The following ZNF536 variants were observed in gnomAD, a reference collection of about 807,000 sequenced individuals.
ZNF536 encodes the protein zinc finger protein 536.
In ZNF536, 13 loss-of-function variants were observed where a neutral mutation model predicts 84.5. The ratio of observed to expected loss-of-function variants is 0.15; its 90% CI spans 0.10 to 0.24. The LOEUF is 0.24. Among genes scored for constraint, ZNF536 ranks in the 10% least tolerant of loss-of-function variants. The probability of loss-of-function intolerance (pLI) is 1.00; values close to 1 mark genes in which losing one functional copy is unlikely to be tolerated. For missense variants in ZNF536, 1,536 were observed against 1,747.5 expected (o/e 0.88, Z 2.16); for synonymous variants, 811 against 742.5 (o/e 1.09, Z -1.50).
chr19:30,444,553 G>A lies in ZNF536; in HGVS notation c.991G>A (p.Gly331Ser), dbSNP rs1157086809. The change falls in exon 2 of 5, where the codon GGC becomes AGC. Residue 331 changes from glycine to serine, a missense_variant. Gly to Ser is a moderately conservative substitution (Grantham distance 56, BLOSUM62 0). Around this residue, in one of 8 missense-constraint regions of ZNF536, gnomAD observed 61 missense variants for 104.0 expected, o/e 0.59. Coordinates refer to ENST00000355537, the MANE Select transcript of ZNF536 (RefSeq NM_014717.3). ...ACACATCACGGCCGAGTCGGCCCAG[G>A]GCCAGGGCCCCAACGGCGGTGGCGA... The part of the protein sequence containing the change: ...KAHITAESAQ[G>S]QGPNGGGEQS... The A allele has an allele frequency of 1.2e-6, 2 of 1,613,530 alleles. No individual in the cohort carries two copies. Among genetic ancestry groups the A allele is most frequent in the Non-Finnish European group, 1.7e-6 (2 of 1,179,946 alleles).
At chr19:30,581,641 G>C (rs924907031) in intron 1 of ZNF536, among the ~76,000 whole-genome samples, 1 of 152,130 alleles carries the variant, frequency 6.6e-6, no homozygotes, top group Admixed American at 6.5e-5. Context: ...AAGCAGGACA[G>C]TAAAGAAAAG....
At chr19:30,338,784 A>T (rs1257628003) in intron 2 of ZNF536, among the ~76,000 whole-genome samples, 1 of 152,084 alleles carries the variant, frequency 6.6e-6, no homozygotes, top group Non-Finnish European at 1.5e-5. Context: ...CTAACTAGTG[A>T]GTATTAGTTC....
intron 2 of ZNF536, among the ~76,000 whole-genome samples, chr19:30,454,689 T>C (rs201567990): frequency 6.6e-6 from 1 of 152,238 alleles, no homozygotes; most frequent in Non-Finnish European, 1.5e-5. Context: ...TGTCCGTCTC[T>C]GGCTGGGGCC....
intron 2 of ZNF536, among the ~76,000 whole-genome samples, chr19:30,298,316 T>C (rs2046073701): frequency 6.6e-6 from 1 of 152,156 alleles, no homozygotes; most frequent in Non-Finnish European, 1.5e-5. Context: ...TGGTTGCAAC[T>C]GGACCATAGG....
At chr19:30,256,809 T>C (rs889910073) in intron 1 of ZNF536, among the ~76,000 whole-genome samples, 3 of 152,190 alleles carry the variant, frequency 2.0e-5, no homozygotes, top group African/African-American at 7.2e-5. Flanking sequence ...GTCACATTTT[T>C]TATTCATGTT....
At chr19:30,460,218 G>T (rs2053070804) in intron 2 of ZNF536, among the ~76,000 whole-genome samples, 1 of 152,200 alleles carries the variant, frequency 6.6e-6, no homozygotes, top group African/African-American at 2.4e-5. Flanking sequence ...TTGGTTCATG[G>T]CAAGGAAGTT....
At chr19:30,472,800 T>C (rs1007365964) in intron 2 of ZNF536, among the ~76,000 whole-genome samples, 2 of 152,154 alleles carry the variant, frequency 1.3e-5, no homozygotes, top group Non-Finnish European at 2.9e-5. Flanking sequence ...ACCTGCAGTT[T>C]CTGGAATGGT....
intron 1 of ZNF536, among the ~76,000 whole-genome samples, chr19:30,405,446 C>T (rs1321542337): frequency 1.3e-5 from 2 of 152,140 alleles, no homozygotes; most frequent in African/African-American, 4.8e-5. Context: ...TGGGGTCTCC[C>T]TGTGCCTGAA....
chr19:30,255,809 G>A (rs749471095), intron 1 of ZNF536, among the ~76,000 whole-genome samples: 21 of 152,180 alleles, frequency 1.4e-4, no homozygotes, highest in Non-Finnish European at 2.4e-4. Flanking sequence ...CATAGACCCC[G>A]TCATGGGAGA....
At position 30,497,061 on chromosome 19, in the gene ZNF536, C is replaced by G. The variant is rs144608588; in HGVS notation, c.2171-37786C>G. 4.6e-5 allele frequency among the ~76,000 whole-genome samples: 7 copies of G among 152,272 alleles called. No individual in the cohort carries two copies. The East Asian group carries it at 1.4e-3, about 29-fold the overall frequency. The stretch of plus-strand genomic sequence containing the variant: ...TGGGCCAAACAGCAAGGTGCTCCTC[C>G]CCCTCTACTTTGCTCTCCTTAAATG... On this transcript the variant is annotated intron_variant, in intron 2 of 4. Transcript: ENST00000355537.
At chr19:30,293,186 G>A (rs1420244584) in intron 2 of ZNF536, among the ~76,000 whole-genome samples, 1 of 152,112 alleles carries the variant, frequency 6.6e-6, no homozygotes, top group Admixed American at 6.5e-5. Context: ...TGGTCAGTGG[G>A]TTCGTTGTTA....
intron 1 of ZNF536, among the ~76,000 whole-genome samples, chr19:30,611,019 C>T (rs1038388564): frequency 1.1e-4 from 16 of 152,208 alleles, no homozygotes; most frequent in Admixed American, 9.8e-4. Context: ...TTACCATGTG[C>T]TTCCAAGTCT....
chr19:30,417,428 G>C (rs746398172), intron 1 of ZNF536, among the ~76,000 whole-genome samples: 23 of 151,912 alleles, frequency 1.5e-4, no homozygotes, highest in South Asian at 4.2e-4. Context: ...CCATTTCCAG[G>C]GATTTGAGGT....
At chr19:30,459,510 C>G (rs529700447) in intron 2 of ZNF536, among the ~76,000 whole-genome samples, 1 of 152,156 alleles carries the variant, frequency 6.6e-6, no homozygotes, top group South Asian at 2.1e-4. Context: ...CCCATCAAGC[C>G]TGGCTAATTT....
At chr19:30,466,266 A>G (rs892927330) in intron 2 of ZNF536, among the ~76,000 whole-genome samples, 7 of 151,764 alleles carry the variant, frequency 4.6e-5, no homozygotes, top group African/African-American at 1.7e-4. Context: ...TTTAGGCTGG[A>G]CACCATGGCT....
chr19:30,497,442 C>A (rs979076285), intron 2 of ZNF536, among the ~76,000 whole-genome samples: 4 of 152,138 alleles, frequency 2.6e-5, no homozygotes, highest in Admixed American at 2.6e-4. Context: ...GCATGGTAAT[C>A]TTTAGCACCA....
At chr19:30,533,838 G>A (rs1479270771) in intron 2 of ZNF536, among the ~76,000 whole-genome samples, 1 of 152,198 alleles carries the variant, frequency 6.6e-6, no homozygotes, top group African/African-American at 2.4e-5. Context: ...TCAGGCTCCT[G>A]CTCTGTGGGG....
chr19:30,521,268 G>A (rs1221831482), intron 2 of ZNF536, among the ~76,000 whole-genome samples: 5 of 152,232 alleles, frequency 3.3e-5, no homozygotes, highest in African/African-American at 1.2e-4. Context: ...GGAGGATTGG[G>A]CCATCTCTGT....
chr19:30,343,117 TTCTATGGTAGCA>T (rs1308708243), intron 2 of ZNF536, among the ~76,000 whole-genome samples: 1 of 152,158 alleles, frequency 6.6e-6, no homozygotes, highest in Non-Finnish European at 1.5e-5. Flanking sequence ...GGATAAGCCC[TTCTATGGTAGCA>T]TCCTCCAAGC....
Sources: allele counts gnomAD v4.1 joint callset (sites outside exome capture counted in the v4.1 genomes callset), GRCh38; gene constraint gnomAD v4.1.1; regional missense constraint gnomAD v4.1.1; transcripts MANE v1.5; gene names NCBI Gene and HGNC (gene_info 2026-07-23, HGNC 2026-07-21).